The following KCNMA1 variants were observed in gnomAD, a reference collection of about 807,000 sequenced individuals.
KCNMA1 encodes Calcium-activated potassium channel subunit alpha-1.
Under a neutral mutation model 140.0 loss-of-function variants are expected in KCNMA1, and 29 were observed. The observed-to-expected ratio is 0.21, with a 90% CI of 0.15 to 0.28. KCNMA1 has a LOEUF of 0.28. Ranked by LOEUF, KCNMA1 falls within the 10% of genes least tolerant of loss-of-function variation. The probability of loss-of-function intolerance (pLI) is 1.00; values close to 1 mark genes in which losing one functional copy is unlikely to be tolerated. For missense variants in KCNMA1, 880 were observed against 1,602.2 expected (o/e 0.55, Z 7.70); for synonymous variants, 612 against 611.9 (o/e 1.00, Z 0.00).
chr10:77,489,089 C>G (rs2098500963), intron 1 of KCNMA1, among the ~76,000 whole-genome samples: 1 of 152,078 alleles, frequency 6.6e-6, no homozygotes, highest in Non-Finnish European at 1.5e-5. Flanking sequence ...GGGTAGATGA[C>G]CCCAGGGCCT....
At chr10:77,003,741 A>G (rs1431450660) in intron 18 of KCNMA1, among the ~76,000 whole-genome samples, 1 of 152,224 alleles carries the variant, frequency 6.6e-6, no homozygotes, top group Non-Finnish European at 1.5e-5. Flanking sequence ...TTTATGTACA[A>G]TAATAGAATC....
At chr10:77,553,028 C>A (rs1007196462) in intron 1 of KCNMA1, among the ~76,000 whole-genome samples, 13 of 151,982 alleles carry the variant, frequency 8.6e-5, no homozygotes, top group Admixed American at 2.6e-4. Context: ...CAGAGCAAGA[C>A]CCTGTCTCAA....
chr10:77,262,557 G>A (rs2062299375), intron 2 of KCNMA1, among the ~76,000 whole-genome samples: 1 of 148,254 alleles, frequency 6.7e-6, no homozygotes. Context: ...TGTTGGAGGT[G>A]AGGCCTGATG....
At chr10:77,304,665 C>T (rs543759238) in intron 2 of KCNMA1, 1 of 152,346 alleles carries the variant, frequency 6.6e-6, no homozygotes, top group South Asian at 2.1e-4. Flanking sequence ...TTGAAAACTG[C>T]CTGATCTTGG....
intron 5 of KCNMA1, among the ~76,000 whole-genome samples, chr10:77,135,340 G>T (rs1369265716): frequency 6.6e-6 from 1 of 152,160 alleles, no homozygotes; most frequent in Non-Finnish European, 1.5e-5. Context: ...AAGACAAAAG[G>T]TTAAGTGTTG....
intron 5 of KCNMA1, among the ~76,000 whole-genome samples, chr10:77,176,236 A>G (rs1404244865): frequency 6.6e-6 from 1 of 152,136 alleles, no homozygotes; most frequent in Non-Finnish European, 1.5e-5. Flanking sequence ...GTGGCCTACC[A>G]CCACAACTCT....
Position 77,389,199 on chromosome 10 carries a change from T to C in KCNMA1, c.540+14663A>G, listed in dbSNP as rs546369701. Reference sequence around the variant, plus strand: ...TCAACTCCACTGATCACCCACAGTGTTTAACACCCTTGCTATAAATTTGGG... The same window carrying C: ...TCAACTCCACTGATCACCCACAGTGCTTAACACCCTTGCTATAAATTTGGG... On this transcript the variant is annotated intron_variant, in intron 2 of 27. Transcript: ENST00000286628. Among the ~76,000 whole-genome samples, 6 of 152,334 alleles carry C rather than the reference T, an allele frequency of 3.9e-5. No homozygotes were observed. In the South Asian group the frequency reaches 1.2e-3, roughly 32 times the overall value.
intron 5 of KCNMA1, among the ~76,000 whole-genome samples, chr10:77,147,333 GGAAAAA>G (rs2098323757): frequency 6.6e-6 from 1 of 152,104 alleles, no homozygotes; most frequent in Admixed American, 6.5e-5. Context: ...AAGTTACAAG[GGAAAAA>G]GATGCTTTGC....
chr10:77,161,099 C>T (rs2098549248), intron 5 of KCNMA1, among the ~76,000 whole-genome samples: 1 of 152,204 alleles, frequency 6.6e-6, no homozygotes, highest in Non-Finnish European at 1.5e-5. Context: ...CTGTCGGCTC[C>T]ATGGTCCTTG....
At chr10:77,486,038 G>A (rs1240509562) in intron 1 of KCNMA1, among the ~76,000 whole-genome samples, 1 of 152,138 alleles carries the variant, frequency 6.6e-6, no homozygotes, top group Non-Finnish European at 1.5e-5. Context: ...GGAGCTGGAG[G>A]CCATTCCCTG....
chr10:77,082,007 CTTTTTTTTTTTTTTTTTTTT>C (rs201288668), intron 12 of KCNMA1, among the ~76,000 whole-genome samples: 8,734 of 32,858 alleles, frequency 0.27, 539 homozygotes, highest in East Asian at 0.41. Flanking sequence ...TTTTTCTTTT[CTTTTTTTTTTTTTTTTTTTT>C]TTTTTTTTTT....
intron 5 of KCNMA1, among the ~76,000 whole-genome samples, chr10:77,150,852 G>A (rs967805971): frequency 2.6e-5 from 4 of 152,184 alleles, no homozygotes; most frequent in Non-Finnish European, 5.9e-5. Flanking sequence ...GACAAGTCAT[G>A]TTCTCTCTTT....
chr10:77,621,743 C>T (rs185450823), intron 1 of KCNMA1, among the ~76,000 whole-genome samples: 139 of 152,244 alleles, frequency 9.1e-4, no homozygotes, highest in African/African-American at 3.1e-3. Context: ...GCCTGGGCAA[C>T]ATGGCGAAAC....
At chr10:76,889,710 T>C in intron 26 of KCNMA1, 141 bp from the exon 27 acceptor site, 1 of 750,446 alleles carries the variant, frequency 1.3e-6, no homozygotes, top group Non-Finnish European at 2.4e-6. Flanking sequence ...GGGACGGCAG[T>C]GGAAGAAGTC....
intron 1 of KCNMA1, among the ~76,000 whole-genome samples, chr10:77,594,063 A>C (rs551790776): frequency 1.6e-3 from 250 of 152,302 alleles, no homozygotes; most frequent in African/African-American, 5.8e-3. Flanking sequence ...AAATAATTAA[A>C]TAAAGAGAAA....
intron 18 of KCNMA1, among the ~76,000 whole-genome samples, chr10:77,008,929 T>C (rs1409301221): frequency 6.6e-6 from 1 of 152,236 alleles, no homozygotes; most frequent in African/African-American, 2.4e-5. Flanking sequence ...TCTTCTCCAA[T>C]TTCCTCACTT....
chr10:77,153,434 C>T (rs2098447397), intron 5 of KCNMA1, among the ~76,000 whole-genome samples: 1 of 152,028 alleles, frequency 6.6e-6, no homozygotes, highest in Non-Finnish European at 1.5e-5. Flanking sequence ...TCCAGTGGCA[C>T]CATCTTGGCT....
chr10:76,914,329 A>G lies in KCNMA1; in HGVS notation c.3016+607T>C, dbSNP rs1376037067. On this transcript the variant is annotated intron_variant, in intron 24 of 27. Coordinates refer to ENST00000286628, the MANE Select transcript of KCNMA1 (RefSeq NM_001161352.2). The stretch of plus-strand genomic sequence containing the variant: ...CTCACTAATGGTAACAGGGAGTGCC[A>G]TGGCCAGGTTAGAAGTTAGATTCTA... 6 of 578,602 alleles carry G rather than the reference A, an allele frequency of 1.0e-5. No homozygotes were observed. The Admixed American group carries it at 1.6e-4, about 15-fold the overall frequency. The allele number at this position is 578,602 out of a possible 1,614,324, so 35.8% of individuals were successfully genotyped here. A position where few individuals can be genotyped will look rare whatever the true frequency, so the allele number is the denominator to read the frequency against.
intron 1 of KCNMA1, among the ~76,000 whole-genome samples, chr10:77,588,531 G>A (rs941826339): frequency 3.9e-4 from 60 of 152,174 alleles, no homozygotes; most frequent in African/African-American, 1.3e-3. Context: ...GGGTGCCTCA[G>A]GAATGGCAGG....
Sources: gnomAD v4.1 joint callset for allele counts (sites outside exome capture counted in the v4.1 genomes callset) on GRCh38, gnomAD v4.1.1 for gene constraint, MANE v1.5 for transcripts, NCBI Gene and HGNC (gene_info 2026-07-23, HGNC 2026-07-21) for gene names.